PSD3: variants seen among roughly 807,000 people sequenced by gnomAD.
PSD3 encodes the protein PH and SEC7 domain-containing protein 3.
A neutral mutation model predicts 105.5 loss-of-function variants in PSD3; 49 were observed. The ratio of observed to expected loss-of-function variants is 0.46; its 90% confidence interval spans 0.37 to 0.59. The LOEUF is 0.59. Among genes scored for constraint, PSD3 ranks in the 20% least tolerant of loss-of-function variants. The pLI, the probability that PSD3 is intolerant of heterozygous loss-of-function variation, is 0.00. For synonymous variants in PSD3, 557 were observed against 457.8 expected (o/e 1.22, Z -2.77); for missense variants, 1,561 against 1,263.8 (o/e 1.24, Z -3.57).
chr8:18,914,004 C>G (rs893957528), intron 2 of PSD3, among the ~76,000 whole-genome samples: 1 of 152,074 alleles, frequency 6.6e-6, no homozygotes, highest in Admixed American at 6.6e-5. Context: ...CCGGGCCCAT[C>G]AGAGTAAACC....
At chr8:19,073,156 A>G (rs946541474) in intron 1 of PSD3, among the ~76,000 whole-genome samples, 3 of 143,932 alleles carry the variant, frequency 2.1e-5, no homozygotes, top group African/African-American at 7.6e-5. Context: ...TTTTTTTCCC[A>G]TAAGGCACAG....
At chr8:18,728,071 A>T (rs1803465096) in intron 9 of PSD3, among the ~76,000 whole-genome samples, 1 of 152,142 alleles carries the variant, frequency 6.6e-6, no homozygotes, top group African/African-American at 2.4e-5. Flanking sequence ...CAGAAAAAAA[A>T]AAGCGGAGAA....
chr8:18,765,104 T>C (rs1342625078), intron 9 of PSD3, among the ~76,000 whole-genome samples: 1 of 152,182 alleles, frequency 6.6e-6, no homozygotes, highest in Non-Finnish European at 1.5e-5. Flanking sequence ...AGCCTGCAAA[T>C]GCTACTCTGT....
chr8:18,988,679 A>G (rs553658348), intron 1 of PSD3, among the ~76,000 whole-genome samples: 2 of 152,346 alleles, frequency 1.3e-5, no homozygotes, highest in Admixed American at 1.3e-4. Context: ...AACATTAATG[A>G]CACTATCACA....
chr8:18,954,496 T>C (rs1264048777), intron 1 of PSD3, among the ~76,000 whole-genome samples: 1 of 152,214 alleles, frequency 6.6e-6, no homozygotes, highest in Admixed American at 6.5e-5. Flanking sequence ...CTCATAAAGA[T>C]GACCAATGTT....
At chr8:18,793,918 A>G (rs11780185) in intron 8 of PSD3, among the ~76,000 whole-genome samples, 109,106 of 151,546 alleles carry the variant, frequency 0.72, 40,626 homozygotes, top group Non-Finnish European at 0.81. Flanking sequence ...TGTTTTTGAC[A>G]GTGAAAATAT....
intron 2 of PSD3, among the ~76,000 whole-genome samples, chr8:18,925,358 C>A (rs1294739499): frequency 6.6e-6 from 1 of 151,886 alleles, no homozygotes; most frequent in African/African-American, 2.4e-5. Flanking sequence ...TATGATTGTG[C>A]TACCACACTT....
intron 1 of PSD3, among the ~76,000 whole-genome samples, chr8:19,049,040 T>G (rs529047881): frequency 5.3e-5 from 8 of 152,200 alleles, no homozygotes; most frequent in Non-Finnish European, 1.2e-4. Flanking sequence ...TCATGCTGGA[T>G]TAGGGTCCAA....
chr8:18,967,637 G>C (rs909080823), intron 1 of PSD3, among the ~76,000 whole-genome samples: 2 of 152,126 alleles, frequency 1.3e-5, no homozygotes, highest in African/African-American at 4.8e-5. Context: ...CATCAGGGTA[G>C]GGTTCTCTTT....
intron 6 of PSD3, 160 bp downstream of exon 6, chr8:18,804,362 C>A: frequency 3.2e-6 from 2 of 615,598 alleles, no homozygotes; most frequent in East Asian, 3.0e-5. Context: ...ATCCAAAATC[C>A]ACAACACTTA....
chr8:18,696,343 T>G (rs558066460), intron 9 of PSD3, among the ~76,000 whole-genome samples: 2 of 152,220 alleles, frequency 1.3e-5, no homozygotes, highest in Non-Finnish European at 2.9e-5. Context: ...CACTATTAGA[T>G]AGATATTATC....
intron 1 of PSD3, among the ~76,000 whole-genome samples, chr8:18,991,472 G>A (rs780874388): frequency 1.3e-5 from 2 of 151,908 alleles, no homozygotes; most frequent in Non-Finnish European, 2.9e-5. Flanking sequence ...GGTCAACTGT[G>A]ACCTACAGGC....
chr8:19,071,210 C>T (rs978499218), intron 1 of PSD3, among the ~76,000 whole-genome samples: 7 of 152,162 alleles, frequency 4.6e-5, no homozygotes, highest in African/African-American at 7.2e-5. Flanking sequence ...CAGGTGTGCA[C>T]CACCATGCCC....
intron 4 of PSD3, among the ~76,000 whole-genome samples, chr8:18,856,614 T>C (rs1816029789): frequency 6.6e-6 from 1 of 152,218 alleles, no homozygotes; most frequent in South Asian, 2.1e-4. Context: ...CTTTATAATA[T>C]TACTCTTGAC....
chr8:18,611,274 T>C (rs1805245017), intron 11 of PSD3, among the ~76,000 whole-genome samples: 2 of 152,050 alleles, frequency 1.3e-5, no homozygotes, highest in South Asian at 4.1e-4. Flanking sequence ...AAAAAGGTTT[T>C]TCTTTTAACC....
intron 3 of PSD3, among the ~76,000 whole-genome samples, chr8:18,868,650 G>A (rs1021641469): frequency 8.5e-5 from 13 of 152,202 alleles, no homozygotes; most frequent in Admixed American, 2.6e-4. Flanking sequence ...AAAGGCAACA[G>A]AAGCAAGGCT....
At chr8:19,079,708 G>C (rs547382740) in intron 1 of PSD3, among the ~76,000 whole-genome samples, 1 of 152,226 alleles carries the variant, frequency 6.6e-6, no homozygotes, top group African/African-American at 2.4e-5. Flanking sequence ...AAATTCTGTG[G>C]TGGGAATTTG....
chr8:19,034,472 G>C (rs1236870214), intron 1 of PSD3, among the ~76,000 whole-genome samples: 1 of 152,146 alleles, frequency 6.6e-6, no homozygotes, highest in East Asian at 1.9e-4. Flanking sequence ...TCCCGTGCCA[G>C]AGAAGTGAGT....
At chr8:18,647,958 G>A (rs1403624505) in intron 10 of PSD3, among the ~76,000 whole-genome samples, 1 of 152,118 alleles carries the variant, frequency 6.6e-6, no homozygotes, top group Non-Finnish European at 1.5e-5. Flanking sequence ...AGTTTCCCGA[G>A]GCCTCCCCAG....
Sources: gnomAD v4.1 joint callset for allele counts (sites outside exome capture counted in the v4.1 genomes callset) on GRCh38, gnomAD v4.1.1 for gene constraint, MANE v1.5 for transcripts, NCBI Gene and HGNC (gene_info 2026-07-23, HGNC 2026-07-21) for gene names.